The following PPEF1 variants were observed in gnomAD, a reference collection of about 807,000 sequenced individuals.
PPEF1 encodes the protein protein phosphatase with EF-hand domain 1.
PPEF1 carries 12 observed loss-of-function variants against 53.3 expected under a neutral mutation model. The ratio of observed to expected loss-of-function variants is 0.23; its 90% confidence interval spans 0.14 to 0.36. The LOEUF (loss-of-function observed/expected upper bound fraction) is 0.36. Ranked by LOEUF, PPEF1 falls within the 10% of genes least tolerant of loss-of-function variation. PPEF1 has a pLI of 1.00. For synonymous variants in PPEF1, 165 were observed against 176.7 expected (o/e 0.93, Z 0.52); for missense variants, 334 against 490.4 (o/e 0.68, Z 3.01).
At chrX:18,702,919 G>A (rs772212865), upstream of PPEF1, among the ~76,000 whole-genome samples, 5 of 111,240 alleles carry the variant, frequency 4.5e-5, no homozygotes, top group South Asian at 3.8e-4. Flanking sequence ...ATTCTTGGGC[G>A]TTTGTGAACC....
At chrX:18,822,376 T>C (rs1471695578) in intron 13 of PPEF1, among the ~76,000 whole-genome samples, 3 of 110,719 alleles carry the variant, frequency 2.7e-5, no homozygotes, top group Non-Finnish European at 5.7e-5. Flanking sequence ...AAGACTAGTT[T>C]TGGAGCTAAG....
chrX:18,689,337 C>T (rs1767455758), intron 3 of PPEF1, among the ~76,000 whole-genome samples: 3 of 107,080 alleles, frequency 2.8e-5, no homozygotes, highest in South Asian at 4.4e-4. Context: ...AAAAAATTAG[C>T]CGAGTGTGGT....
chrX:18,775,211 C>CTTTTTTTTTTT (rs765208120), intron 6 of PPEF1, among the ~76,000 whole-genome samples: 1 of 50,166 alleles, frequency 2.0e-5, no homozygotes, highest in Non-Finnish European at 3.3e-5. Context: ...TAACCCATTG[C>CTTTTTTTTTTT]TTTTTTTTTT....
chrX:18,701,800 G>A (rs1375187020), intron 6 of PPEF1, among the ~76,000 whole-genome samples: 1 of 112,242 alleles, frequency 8.9e-6, no homozygotes, highest in Non-Finnish European at 1.9e-5. Flanking sequence ...CTTTATTTTG[G>A]CCTTAGTCCT....
At chrX:18,745,259 A>C (rs950942193) in intron 3 of PPEF1, among the ~76,000 whole-genome samples, 1 of 100,654 alleles carries the variant, frequency 9.9e-6, no homozygotes, top group Non-Finnish European at 2.0e-5. Flanking sequence ...TGTCACCCAG[A>C]CTAGAGCACA....
At chrX:18,774,097 A>T (rs1169252453) in intron 6 of PPEF1, among the ~76,000 whole-genome samples, 3 of 107,769 alleles carry the variant, frequency 2.8e-5, no homozygotes, top group African/African-American at 1.0e-4. Context: ...TTTTATTTTT[A>T]TTTTTTTTTG....
At chrX:18,680,021 G>A (rs1316748755), upstream of PPEF1, among the ~76,000 whole-genome samples, 4 of 107,476 alleles carry the variant, frequency 3.7e-5, no homozygotes, top group African/African-American at 1.0e-4. Flanking sequence ...CCTGGGAGGC[G>A]GAGGTTGCAG....
At chrX:18,819,537 A>C (rs199576783) in intron 13 of PPEF1, among the ~76,000 whole-genome samples, 42 of 110,457 alleles carry the variant, frequency 3.8e-4, no homozygotes, top group East Asian at 2.6e-3. Context: ...ACAAAAAAAA[A>C]CAAAAAATTA....
intron 13 of PPEF1, among the ~76,000 whole-genome samples, chrX:18,823,639 T>A (rs187200435): frequency 0.053 from 5,104 of 95,820 alleles, 90 homozygotes; most frequent in African/African-American, 0.074. Context: ...AAAAAAAAAA[T>A]AAATAAATAA....
chrX:18,733,562 A>T (rs1300152641), intron 2 of PPEF1, among the ~76,000 whole-genome samples, 186 bp from the exon 3 acceptor site: 2 of 111,359 alleles, frequency 1.8e-5, no homozygotes, highest in African/African-American at 3.3e-5. Flanking sequence ...TTCATGTGTT[A>T]CCCTGTGTTG....
intron 10 of PPEF1, 55 bp from the exon 11 acceptor site, chrX:18,803,837 A>G: frequency 2.0e-6 from 2 of 1,023,830 alleles, no homozygotes; most frequent in Non-Finnish European, 2.6e-6. Context: ...GTTGGAATCT[A>G]GAAAGATATA....
At chrX:18,793,922 A>G (rs2046374198) in intron 10 of PPEF1, among the ~76,000 whole-genome samples, 1 of 111,304 alleles carries the variant, frequency 9.0e-6, no homozygotes, top group Non-Finnish European at 1.9e-5. Flanking sequence ...GGGCATGCAT[A>G]CAGTTTCTCC....
At chrX:18,727,426 T>A (rs2044733892) in intron 1 of PPEF1, among the ~76,000 whole-genome samples, 1 of 111,437 alleles carries the variant, frequency 9.0e-6, no homozygotes, top group East Asian at 2.8e-4. Flanking sequence ...CCACTGCCAA[T>A]TATTTGCTTT....
At chrX:18,747,655 G>A (rs1400474008) in intron 3 of PPEF1, among the ~76,000 whole-genome samples, 1 of 111,472 alleles carries the variant, frequency 9.0e-6, no homozygotes, top group African/African-American at 3.3e-5. Context: ...TGTATTTTTT[G>A]TAGAGACGAG....
chrX:18,749,639 C>T (rs1181804398), intron 3 of PPEF1, among the ~76,000 whole-genome samples, 153 bp from the exon 4 acceptor site: 1 of 111,422 alleles, frequency 9.0e-6, no homozygotes, highest in Non-Finnish European at 1.9e-5. Context: ...AGTCATTCCT[C>T]GTGGTTATAT....
chrX:18,695,845 G>A (rs758652663), intron 4 of PPEF1, among the ~76,000 whole-genome samples: 76 of 112,132 alleles, frequency 6.8e-4, no homozygotes, highest in Admixed American at 1.4e-3. Context: ...ACCTTAAAAC[G>A]TGATGGCTGT....
intron 13 of PPEF1, among the ~76,000 whole-genome samples, chrX:18,823,627 CA>C (rs759165991): frequency 4.5e-4 from 38 of 84,886 alleles, no homozygotes; most frequent in African/African-American, 9.5e-4. Flanking sequence ...GACTCCTTCT[CA>C]AAAAAAAAAA....
intron 11 of PPEF1, 26 bp downstream of exon 11, chrX:18,804,103 C>T (rs1262797166): frequency 4.4e-6 from 5 of 1,141,981 alleles, no homozygotes; most frequent in South Asian, 1.9e-5. Context: ...TGGTGACATT[C>T]CCATAAACAT....
chrX:18,680,004 G>A (rs1438983171), upstream of PPEF1, among the ~76,000 whole-genome samples: 4 of 107,462 alleles, frequency 3.7e-5, no homozygotes, highest in Non-Finnish European at 5.8e-5. Flanking sequence ...TGGGAGGATC[G>A]CTTGAGCCTG....
Sources: allele counts gnomAD v4.1 joint callset (sites outside exome capture counted in the v4.1 genomes callset), GRCh38; gene constraint gnomAD v4.1.1; transcripts MANE v1.5; gene names NCBI Gene and HGNC (gene_info 2026-07-23, HGNC 2026-07-21).